The following TOX variants were observed in gnomAD, a reference collection of about 807,000 sequenced individuals.
The protein encoded by TOX is thymocyte selection associated high mobility group box, also known as thymocyte selection-associated high mobility group box protein TOX.
Under a neutral mutation model 53.7 loss-of-function variants are expected in TOX, and 11 were observed. The ratio of observed to expected loss-of-function variants is 0.20; its 90% CI spans 0.13 to 0.34. TOX has a LOEUF of 0.34. TOX is among the 10% of genes least tolerant of loss of function. The probability of loss-of-function intolerance (pLI) is 1.00; values close to 1 mark genes in which losing one functional copy is unlikely to be tolerated. For synonymous variants in TOX, 225 were observed against 245.3 expected (o/e 0.92, Z 0.77); for missense variants, 570 against 664.6 (o/e 0.86, Z 1.56).
intron 3 of TOX, among the ~76,000 whole-genome samples, chr8:58,900,331 T>C (rs928924771): frequency 1.3e-5 from 2 of 152,110 alleles, no homozygotes; most frequent in Non-Finnish European, 2.9e-5. Context: ...ACAACCTCTA[T>C]ACACACAAGT....
chr8:58,972,933 G>A (rs999250369), intron 1 of TOX, among the ~76,000 whole-genome samples: 36 of 152,074 alleles, frequency 2.4e-4, no homozygotes, highest in African/African-American at 8.2e-4. Flanking sequence ...TTAAATAAAC[G>A]AGTCTTGTTT....
At chr8:59,066,061 A>T (rs1274195517) in intron 1 of TOX, among the ~76,000 whole-genome samples, 1 of 152,234 alleles carries the variant, frequency 6.6e-6, no homozygotes, top group Non-Finnish European at 1.5e-5. Flanking sequence ...GGAAAAAACG[A>T]GGAGCATTTA....
At chr8:59,002,810 C>A (rs1288893560) in intron 1 of TOX, among the ~76,000 whole-genome samples, 1 of 152,062 alleles carries the variant, frequency 6.6e-6, no homozygotes, top group African/African-American at 2.4e-5. Context: ...TAGTCATTAA[C>A]GTTAAAGCAG....
chr8:59,007,181 G>A (rs10088954), intron 1 of TOX, among the ~76,000 whole-genome samples: 12,242 of 151,310 alleles, frequency 0.081, 613 homozygotes, highest in Middle Eastern at 0.17. Context: ...CAGAGCTGTC[G>A]GTGTCACCAC....
At chr8:59,092,795 TC>T (rs1346911575) in intron 1 of TOX, among the ~76,000 whole-genome samples, 1 of 152,188 alleles carries the variant, frequency 6.6e-6, no homozygotes, top group Non-Finnish European at 1.5e-5. Flanking sequence ...CATCTTAGCA[TC>T]TTCCATGATA....
intron 4 of TOX, among the ~76,000 whole-genome samples, chr8:58,843,067 G>T (rs1442255120): frequency 6.6e-6 from 1 of 152,182 alleles, no homozygotes; most frequent in Admixed American, 6.5e-5. Flanking sequence ...AGACTCTAAA[G>T]CTATGGTGTT....
intron 1 of TOX, among the ~76,000 whole-genome samples, chr8:59,000,863 A>C (rs10504273): frequency 0.081 from 12,259 of 152,194 alleles, 615 homozygotes; most frequent in Middle Eastern, 0.17. Flanking sequence ...CCAGGACATT[A>C]AAGAAAATAA....
chr8:58,946,519 T>C (rs1445764361), intron 2 of TOX, among the ~76,000 whole-genome samples: 1 of 152,202 alleles, frequency 6.6e-6, no homozygotes, highest in East Asian at 1.9e-4. Flanking sequence ...TCAGCAAGAA[T>C]TGTCCAACAG....
intron 1 of TOX, among the ~76,000 whole-genome samples, chr8:58,989,145 T>C (rs1315418433): frequency 6.6e-6 from 1 of 152,028 alleles, no homozygotes; most frequent in African/African-American, 2.4e-5. Context: ...CAAAACTCTG[T>C]CTTCTACTAC....
At chr8:59,058,650 C>T (rs564600673) in intron 1 of TOX, among the ~76,000 whole-genome samples, 10 of 152,214 alleles carry the variant, frequency 6.6e-5, no homozygotes, top group African/African-American at 2.2e-4. Context: ...TCCTTAAATA[C>T]GTTAGCAGCC....
At chr8:58,886,034 G>T (rs1403261811) in intron 3 of TOX, among the ~76,000 whole-genome samples, 5 of 152,026 alleles carry the variant, frequency 3.3e-5, no homozygotes, top group African/African-American at 4.8e-5. Context: ...TTGTACATCT[G>T]CCCCAATTTA....
At chr8:59,041,764 TA>T (rs1803591863) in intron 1 of TOX, among the ~76,000 whole-genome samples, 1 of 152,234 alleles carries the variant, frequency 6.6e-6, no homozygotes. Flanking sequence ...ATCTGCCCGT[TA>T]TTACAAGAGT....
intron 1 of TOX, among the ~76,000 whole-genome samples, chr8:59,038,523 G>A (rs773304839): frequency 6.6e-6 from 1 of 152,164 alleles, no homozygotes; most frequent in African/African-American, 2.4e-5. Flanking sequence ...AACAACAGTA[G>A]CTGTTTCAGA....
At chr8:59,116,999 ATTAAATCTGACCCTAC>A (rs1225299697) in intron 1 of TOX, among the ~76,000 whole-genome samples, 2 of 152,264 alleles carry the variant, frequency 1.3e-5, no homozygotes, top group Non-Finnish European at 2.9e-5. Flanking sequence ...TAACTTTTAA[ATTAAATCTGACCCTAC>A]TTATCACAAG....
chr8:59,036,258 G>A lies in TOX; in HGVS notation c.103-76250C>T, dbSNP rs1004158088. On this transcript the variant is annotated intron_variant, in intron 1 of 8. Transcript: ENST00000361421. ...GGTGTGGGACGTTCTTTACTCTTGG[G>A]AAGGAAATGCAGTATCTAAAGGCAT... Among the ~76,000 whole-genome samples the A allele has an allele frequency of 2.6e-5, 4 of 152,158 alleles. No homozygotes were observed. The South Asian group carries it at 8.3e-4, about 32-fold the overall frequency.
intron 1 of TOX, among the ~76,000 whole-genome samples, chr8:59,095,774 T>G (rs1804702718): frequency 6.6e-6 from 1 of 152,208 alleles, no homozygotes; most frequent in South Asian, 2.1e-4. Context: ...AGGTTTGCAT[T>G]TCTGTGGCAG....
chr8:58,859,534 C>T (rs949474183), intron 3 of TOX, among the ~76,000 whole-genome samples: 2 of 152,108 alleles, frequency 1.3e-5, no homozygotes, highest in East Asian at 1.9e-4. Context: ...CATTATAAAA[C>T]AATTTATCAC....
intron 1 of TOX, among the ~76,000 whole-genome samples, chr8:58,980,927 A>C (rs959904447): frequency 7.9e-5 from 12 of 152,126 alleles, no homozygotes; most frequent in African/African-American, 2.9e-4. Context: ...TGGAGTCTAC[A>C]TCATCTGCTT....
intron 3 of TOX, among the ~76,000 whole-genome samples, chr8:58,900,292 T>C (rs1455093043): frequency 1.3e-5 from 2 of 152,180 alleles, no homozygotes; most frequent in African/African-American, 4.8e-5. Flanking sequence ...AAATGGCTTT[T>C]TAAAATGTAT....
Sources: gnomAD v4.1 joint callset for allele counts (sites outside exome capture counted in the v4.1 genomes callset) on GRCh38, gnomAD v4.1.1 for gene constraint, MANE v1.5 for transcripts, NCBI Gene and HGNC (gene_info 2026-07-23, HGNC 2026-07-21) for gene names.